The following RICTOR variants were observed in gnomAD, a reference collection of about 807,000 sequenced individuals.
RICTOR encodes RPTOR independent companion of MTOR complex 2.
RICTOR carries 49 observed loss-of-function variants against 214.9 expected under a neutral mutation model. The observed-to-expected ratio is 0.23, with a 90% CI of 0.18 to 0.29. The LOEUF is 0.29. Ranked by LOEUF, RICTOR falls within the 10% of genes least tolerant of loss-of-function variation. The pLI is 1.00. For missense variants in RICTOR, 1,625 were observed against 2,047.0 expected (o/e 0.79, Z 3.98); for synonymous variants, 717 against 711.3 (o/e 1.01, Z -0.13).
chr5:39,035,985 G>C (rs569564123), intron 2 of RICTOR, among the ~76,000 whole-genome samples: 33 of 152,222 alleles, frequency 2.2e-4, no homozygotes, highest in African/African-American at 7.0e-4. Context: ...GATACTCCTC[G>C]AGAAGAGCAA....
intron 2 of RICTOR, among the ~76,000 whole-genome samples, chr5:39,042,478 A>G (rs1030012048): frequency 2.6e-5 from 4 of 152,206 alleles, no homozygotes; most frequent in African/African-American, 9.6e-5. Context: ...CCTAAAAGTC[A>G]CACTAATACC....
intron 9 of RICTOR, among the ~76,000 whole-genome samples, chr5:38,977,105 C>A (rs1751300476): frequency 6.6e-6 from 1 of 152,198 alleles, no homozygotes; most frequent in Non-Finnish European, 1.5e-5. Flanking sequence ...GTTGCCTTTG[C>A]AGAGGGAGAA....
chr5:38,960,809 T>C (rs1274211857), intron 19 of RICTOR, among the ~76,000 whole-genome samples: 2 of 152,106 alleles, frequency 1.3e-5, no homozygotes, highest in East Asian at 3.9e-4. Flanking sequence ...GTTACCCTTA[T>C]GCTGTTCTCG....
intron 22 of RICTOR, 76 bp from the exon 23 acceptor site, chr5:38,958,907 A>AGTCCT: frequency 9.4e-7 from 1 of 1,067,470 alleles, no homozygotes; most frequent in Non-Finnish European, 1.3e-6. Flanking sequence ...ATTTTGGGAT[A>AGTCCT]GTCCTGCTAC....
At chr5:39,032,088 T>C (rs768329228) in intron 2 of RICTOR, among the ~76,000 whole-genome samples, 23 of 152,202 alleles carry the variant, frequency 1.5e-4, no homozygotes, top group Non-Finnish European at 2.6e-4. Context: ...TGAGGGCCTC[T>C]AGTTTATGAT....
At chr5:38,993,725 C>T (rs769781740) in intron 6 of RICTOR, among the ~76,000 whole-genome samples, 4 of 151,956 alleles carry the variant, frequency 2.6e-5, no homozygotes, top group Non-Finnish European at 4.4e-5. Context: ...TTAATTTATA[C>T]TGCAGGTTGA....
At chr5:38,966,928 G>C (rs937044556) in intron 14 of RICTOR, 2 of 593,386 alleles carry the variant, frequency 3.4e-6, no homozygotes, top group South Asian at 4.2e-5. Context: ...AGCCTCCTGA[G>C]TAGCTGGGAC....
chr5:38,984,969 C>A (rs1239260), intron 7 of RICTOR, among the ~76,000 whole-genome samples: 145,241 of 152,094 alleles, frequency 0.95, 69,481 homozygotes, highest in East Asian at 0.99. Flanking sequence ...ATATGCGTAC[C>A]TTTTTTTTGT....
intron 2 of RICTOR, among the ~76,000 whole-genome samples, chr5:39,066,372 A>G (rs1041567971): frequency 1.3e-5 from 2 of 152,196 alleles, no homozygotes; most frequent in Non-Finnish European, 2.9e-5. Context: ...CCACAAAACC[A>G]TTCTTTCTTC....
Position 38,960,316 on chromosome 5 carries a change from A to G in RICTOR, c.1851+82T>C, listed in dbSNP as rs1326562098. The G allele has an allele frequency of 2.2e-6, 3 of 1,373,152 alleles. No homozygotes were observed. In the East Asian group the frequency reaches 6.9e-5, roughly 31 times the overall value. The allele number at this position is 1,373,152 out of a possible 1,614,324, so 85.1% of individuals were successfully genotyped here. The stretch of plus-strand genomic sequence containing the variant: ...ATGCATATTCAGAAATAAAAGCAAA[A>G]CACAAGGTGGAAACAGAGGGAGGGT... On this transcript the variant is annotated intron_variant, in intron 20 of 37. Coordinates refer to ENST00000357387, the MANE Select transcript of RICTOR (RefSeq NM_152756.5).
chr5:39,025,730 T>A (rs993495515), intron 2 of RICTOR, among the ~76,000 whole-genome samples: 1 of 152,186 alleles, frequency 6.6e-6, no homozygotes, highest in African/African-American at 2.4e-5. Flanking sequence ...TCCCTTTTTA[T>A]AAGGGCACTA....
chr5:39,011,857 C>T (rs1754545222), intron 3 of RICTOR, among the ~76,000 whole-genome samples: 1 of 152,120 alleles, frequency 6.6e-6, no homozygotes, highest in African/African-American at 2.4e-5. Flanking sequence ...ATTTTACAGG[C>T]TCATAGGCGG....
chr5:39,003,906 C>A (rs1753830145), intron 3 of RICTOR, among the ~76,000 whole-genome samples: 1 of 151,974 alleles, frequency 6.6e-6, no homozygotes, highest in Admixed American at 6.6e-5. Context: ...AAAAATGGTT[C>A]TTTTAGTGGC....
Position 38,974,843 on chromosome 5 carries a change from T to C in RICTOR, c.889+694A>G, listed in dbSNP as rs78793161. Among the ~76,000 whole-genome samples, 1,170 of 152,336 alleles carry C rather than the reference T, an allele frequency of 7.7e-3. 17 individuals carry two copies. The highest frequency in any genetic ancestry group is 0.027 in the African/African-American group (1,120 of 41,578). On this transcript the variant is annotated intron_variant, in intron 10 of 37. Transcript: ENST00000357387. The stretch of plus-strand genomic sequence containing the variant: ...GGAAAAGGTATTTTTAAGTTAGGGT[T>C]ACCTAGGTACACAGAAATGTTTAGG...
rs1426491240 is a variant in RICTOR at position 38,967,851 on chromosome 5, T to G, written c.1060+92A>C. On this transcript the variant is annotated intron_variant, in intron 12 of 37. Transcript: ENST00000357387. The stretch of plus-strand genomic sequence containing the variant: ...TATGCAGCAAGAAAAGAAAATAGTG[T>G]TCAATAATTTAGTATTTCTCCTTTT... The G allele has an allele frequency of 1.2e-5, 8 of 643,818 alleles. No homozygotes were observed. The Admixed American group carries it at 1.3e-4, about 10-fold the overall frequency. 39.9% of individuals were successfully genotyped at this position (643,818 alleles called of 1,614,324 possible). A position where few individuals can be genotyped will look rare whatever the true frequency, so the allele number is the denominator to read the frequency against.
intron 3 of RICTOR, among the ~76,000 whole-genome samples, chr5:39,013,017 G>C (rs916268748): frequency 5.3e-5 from 8 of 152,162 alleles, no homozygotes; most frequent in South Asian, 2.1e-4. Flanking sequence ...CAACCTGAAA[G>C]AAAACAGGAA....
At position 38,940,197 on chromosome 5, in the gene RICTOR, A is replaced by G; in HGVS notation, c.*2107T>C. On this transcript the variant is annotated 3_prime_UTR_variant, in exon 38 of 38. Coordinates refer to ENST00000357387, the MANE Select transcript of RICTOR (RefSeq NM_152756.5). ...AATACTAACTAAGCCTTATTTCAGG[A>G]TAGATGACCAAGGTGAGGGTACAGG... The G allele has an allele frequency of 4.4e-6, 1 of 229,526 alleles. No individual in the cohort carries two copies. Among genetic ancestry groups the G allele is most frequent in the Admixed American group, 5.7e-5 (1 of 17,608 alleles). The allele number at this position is 229,526 out of a possible 1,614,324, so 14.2% of individuals were successfully genotyped here. A position where few individuals can be genotyped will look rare whatever the true frequency, so the allele number is the denominator to read the frequency against.
intron 5 of RICTOR, among the ~76,000 whole-genome samples, chr5:39,000,272 G>A (rs1753513454): frequency 6.6e-6 from 1 of 151,656 alleles, no homozygotes. Context: ...ATATTTTCCA[G>A]GTAATATGAA....
In RICTOR at chr5:38,961,459, T is replaced by C. The variant is rs116969728; in HGVS notation, c.1715+856A>G. 6.9e-3 allele frequency among the ~76,000 whole-genome samples: 1,052 copies of C among 152,230 alleles called. 52 individuals are homozygous for C. In the East Asian group the frequency reaches 0.12, roughly 18 times the overall value. ...ATTTAGGCCAATGAATTTATAGACA[T>C]AATTTATGATCTTTCAACATTATAT... On this transcript the variant is annotated intron_variant, in intron 19 of 37. Transcript: ENST00000357387.
Sources: allele counts gnomAD v4.1 joint callset (sites outside exome capture counted in the v4.1 genomes callset), GRCh38; gene constraint gnomAD v4.1.1; transcripts MANE v1.5; gene names NCBI Gene and HGNC (gene_info 2026-07-23, HGNC 2026-07-21).